TMEM63A: variants seen among roughly 807,000 people sequenced by gnomAD.
TMEM63A encodes the protein mechanosensitive cation channel TMEM63A.
In TMEM63A, 76 loss-of-function variants were observed where a neutral mutation model predicts 100.6. The ratio of observed to expected loss-of-function variants is 0.76; its 90% CI spans 0.63 to 0.91. The LOEUF (loss-of-function observed/expected upper bound fraction) is 0.91. TMEM63A is among the 40% of genes least tolerant of loss of function. The pLI, the probability that TMEM63A is intolerant of heterozygous loss-of-function variation, is 0.00. For missense variants in TMEM63A, 876 were observed against 1,008.8 expected, an observed-to-expected ratio of 0.87 and a Z score of 1.78; for synonymous variants, 401 against 401.1, an observed-to-expected ratio of 1.00 and a Z score of 0.00.
chr1:225,878,521 C>T (rs1214841741), intron 2 of TMEM63A, among the ~76,000 whole-genome samples: 9 of 152,134 alleles, frequency 5.9e-5, no homozygotes, highest in Admixed American at 5.2e-4. Context: ...AGGCTCCTGG[C>T]GCCCCTGGTG....
intron 21 of TMEM63A, among the ~76,000 whole-genome samples, chr1:225,849,607 C>T (rs1254403851): frequency 6.6e-6 from 1 of 152,198 alleles, no homozygotes; most frequent in Non-Finnish European, 1.5e-5. Context: ...TACACCTGCA[C>T]TCGGGCTAGC....
chr1:225,844,652 C>T (rs1207596562), downstream of TMEM63A: 4 of 1,613,072 alleles, frequency 2.5e-6, no homozygotes, highest in Admixed American at 6.7e-5. Flanking sequence ...AGAACAGGGG[C>T]CTCTGAGGCT....
At chr1:225,845,505 A>C, downstream of TMEM63A, 20 of 672,256 alleles carry the variant, frequency 3.0e-5, no homozygotes, top group Non-Finnish European at 3.5e-5. Flanking sequence ...TCACTCCCCA[A>C]CCCCCAACTC....
At chr1:225,844,475 G>GGCTTT (rs548572744), downstream of TMEM63A, 447 of 1,614,090 alleles carry the variant, frequency 2.8e-4, 1 homozygote, top group South Asian at 4.7e-3. Context: ...CTGAGAGTGG[G>GGCTTT]GCTTTGTGTT....
At chr1:225,881,688 G>A (rs10915890) in intron 1 of TMEM63A, among the ~76,000 whole-genome samples, 4,978 of 152,250 alleles carry the variant, frequency 0.033, 261 homozygotes, top group African/African-American at 0.11. Context: ...CCTGCCTGGG[G>A]CTGAATGACC....
At position 225,859,066 on chromosome 1, in the gene TMEM63A, G is replaced by A. The variant is rs1290802393; in HGVS notation, c.1377+130C>T. Reference sequence around the variant, plus strand: ...GCTCAGGGCTTAAAAGCAAGGATGTGAGCTGAGCAACATGACCCACTGGTT... The same window carrying A: ...GCTCAGGGCTTAAAAGCAAGGATGTAAGCTGAGCAACATGACCCACTGGTT... On this transcript the variant is annotated intron_variant, in intron 15 of 24. Coordinates refer to ENST00000366835, the MANE Select transcript of TMEM63A (RefSeq NM_014698.3). 3 of 1,350,746 alleles carry A rather than the reference G, an allele frequency of 2.2e-6. No homozygotes were observed. The African/African-American group carries it at 4.3e-5, about 20-fold the overall frequency. The allele number at this position is 1,350,746 out of a possible 1,614,324, so 83.7% of individuals were successfully genotyped here.
chr1:225,868,253 C>T (rs546364893), intron 6 of TMEM63A, among the ~76,000 whole-genome samples: 3 of 152,242 alleles, frequency 2.0e-5, no homozygotes, highest in Admixed American at 2.0e-4. Context: ...GTACCATACT[C>T]GAGGTAAAGG....
intron 4 of TMEM63A, 132 bp from the exon 5 acceptor site, chr1:225,872,185 G>A: frequency 1.6e-6 from 1 of 643,104 alleles, no homozygotes; most frequent in Non-Finnish European, 2.7e-6. Context: ...GCCCTCGATG[G>A]CTGGGACAAA....
chr1:225,880,104 T>C (rs185477583), intron 1 of TMEM63A, among the ~76,000 whole-genome samples: 135 of 152,246 alleles, frequency 8.9e-4, no homozygotes, highest in African/African-American at 3.1e-3. Context: ...CCAGGGTGGT[T>C]TGACAAAGTT....
At chr1:225,844,404 G>C (rs1668733078), downstream of TMEM63A, 1 of 1,600,592 alleles carries the variant, frequency 6.2e-7, no homozygotes, top group Non-Finnish European at 8.6e-7. Context: ...AAGCCGCATG[G>C]GCAGGGCCTG....
chr1:225,867,218 G>C lies in TMEM63A; in HGVS notation c.515-55C>G. 6.3e-7 allele frequency: 1 copy of C among 1,583,166 alleles called. No individual in the cohort carries two copies. The highest frequency in any genetic ancestry group is 8.7e-7 in the Non-Finnish European group (1 of 1,151,982). ...GGGTCATGTGGGGAAGCAGGAGGGG[G>C]CGTAACCAATCAGCCTTGGTTTGTG... On this transcript the variant is annotated intron_variant, in intron 7 of 24. Transcript: ENST00000366835. This position sits in a 1 kb window ranked among gnomAD's most constrained non-coding sequence, Gnocchi z 4.6.
At chr1:225,844,670 G>A (rs770178980), downstream of TMEM63A, 36 of 1,610,382 alleles carry the variant, frequency 2.2e-5, no homozygotes, top group Non-Finnish European at 6.8e-6. Flanking sequence ...GCTGGAGGCA[G>A]GGGGACGGCC....
In TMEM63A at chr1:225,860,993, G is replaced by A; in HGVS notation, c.1090C>T (p.Leu364=). The A allele has an allele frequency of 6.2e-7, 1 of 1,609,626 alleles. No individual in the cohort carries two copies. The highest frequency in any genetic ancestry group is 8.5e-7 in the Non-Finnish European group (1 of 1,177,826). Residue 364 remains leucine (L), a synonymous_variant, in exon 14 of 25, where the codon CTG becomes TTG. Transcript: ENST00000366835. The part of the protein sequence containing the change: ...FQEKSMATYI[L]KDFNACKCQS... Reference sequence around the variant, plus strand: ...CACTTGCAGGCATTGAAATCTTTCAGGATGCTGCAAGGAAATGTAGCAACA... The same window carrying A: ...CACTTGCAGGCATTGAAATCTTTCAAGATGCTGCAAGGAAATGTAGCAACA...
At chr1:225,866,167 C>T (rs750251532) in intron 9 of TMEM63A, 200 bp from the exon 10 acceptor site, 2 of 592,050 alleles carry the variant, frequency 3.4e-6, no homozygotes, top group South Asian at 2.0e-5. Context: ...AAAGAATCCA[C>T]TTCCAAAGCA....
chr1:225,880,197 C>T (rs1671021016), intron 1 of TMEM63A, among the ~76,000 whole-genome samples: 2 of 152,232 alleles, frequency 1.3e-5, no homozygotes, highest in Non-Finnish European at 2.9e-5. Context: ...TGTCTGCCCT[C>T]TCCGATGAGC....
intron 20 of TMEM63A, among the ~76,000 whole-genome samples, chr1:225,850,413 G>A (rs1227729500): frequency 1.3e-5 from 2 of 152,188 alleles, no homozygotes; most frequent in African/African-American, 4.8e-5. Flanking sequence ...TTGGCTGAAG[G>A]CAGCTGAATT....
At chr1:225,859,058 A>C (rs1431895557) in intron 15 of TMEM63A, 138 bp downstream of exon 15, 5 of 1,267,368 alleles carry the variant, frequency 3.9e-6, no homozygotes, top group Non-Finnish European at 5.4e-6. Flanking sequence ...GCTTAAAAGC[A>C]AGGATGTGAG....
At chr1:225,869,310 G>C (rs1046607698) in intron 6 of TMEM63A, among the ~76,000 whole-genome samples, 1 of 152,190 alleles carries the variant, frequency 6.6e-6, no homozygotes. Flanking sequence ...TATGAGTCCT[G>C]ATTACTATTT....
downstream of TMEM63A, chr1:225,845,279 G>A: frequency 5.0e-6 from 8 of 1,613,460 alleles, no homozygotes; most frequent in Non-Finnish European, 6.8e-6. Flanking sequence ...CCACTTTGCG[G>A]CCTTTGAGGA....
Sources: gnomAD v4.1 joint callset for allele counts (sites outside exome capture counted in the v4.1 genomes callset) on GRCh38, gnomAD v4.1.1 for gene constraint, Gnocchi (gnomAD v3.1) non-coding constraint, MANE v1.5 for transcripts, NCBI Gene and HGNC (gene_info 2026-07-23, HGNC 2026-07-21) for gene names.